FAM184A: variants seen among roughly 807,000 people sequenced by gnomAD.
FAM184A encodes the protein protein FAM184A.
A neutral mutation model predicts 143.8 loss-of-function variants in FAM184A; 99 were observed. The ratio of observed to expected loss-of-function variants is 0.69; its 90% confidence interval spans 0.58 to 0.81. The LOEUF is 0.81. FAM184A is among the 40% of genes least tolerant of loss of function. The pLI is 0.00. For missense variants in FAM184A, 1,217 were observed against 1,310.5 expected (o/e 0.93, Z 1.10); for synonymous variants, 427 against 446.4 (o/e 0.96, Z 0.55).
At chr6:119,035,170 A>T (rs9398499) in intron 1 of FAM184A, among the ~76,000 whole-genome samples, 71,623 of 152,026 alleles carry the variant, frequency 0.47, 18,242 homozygotes, top group East Asian at 0.74. Flanking sequence ...AAACCTTTTA[A>T]CCCACTGTAA....
At position 118,966,971 on chromosome 6, in the gene FAM184A, T is replaced by G. The variant is rs186683760; in HGVS notation, c.2916-19A>C. On this transcript the variant is annotated intron_variant, in intron 14 of 17. Transcript: ENST00000338891. ...TTCTAATCTGAAAACAAGAAAGACT[T>G]TAGCTCATTGATATCACTCAGATAC... 140 of 1,225,412 alleles carry G rather than the reference T, an allele frequency of 1.1e-4. 1 individual carries two copies. In the Admixed American group the frequency reaches 1.2e-3, roughly 11 times the overall value. 75.9% of individuals were successfully genotyped at this position (1,225,412 alleles called of 1,614,324 possible).
At chr6:119,069,467 C>A (rs1787600615) in intron 1 of FAM184A, among the ~76,000 whole-genome samples, 2 of 152,204 alleles carry the variant, frequency 1.3e-5, no homozygotes, top group Non-Finnish European at 2.9e-5. Context: ...CCTGTGAACA[C>A]ATAGACACAC....
At chr6:118,969,855 T>A (rs1488953526) in intron 14 of FAM184A, among the ~76,000 whole-genome samples, 1 of 143,364 alleles carries the variant, frequency 7.0e-6, no homozygotes, top group African/African-American at 2.6e-5. Context: ...GGCCCACATG[T>A]TCTCCTTGTT....
chr6:118,984,001 T>C (rs1380029521), intron 9 of FAM184A, among the ~76,000 whole-genome samples: 1 of 149,942 alleles, frequency 6.7e-6, no homozygotes, highest in Non-Finnish European at 1.5e-5. Context: ...ATACAAAAAA[T>C]TAGCCGGGAG....
At chr6:119,060,214 T>C (rs1278944323) in intron 1 of FAM184A, among the ~76,000 whole-genome samples, 1 of 152,234 alleles carries the variant, frequency 6.6e-6, no homozygotes, top group African/African-American at 2.4e-5. Flanking sequence ...CCTGTAATTC[T>C]TTCCCTCCTA....
intron 1 of FAM184A, among the ~76,000 whole-genome samples, chr6:119,048,903 G>T (rs188755971): frequency 3.9e-5 from 6 of 152,200 alleles, no homozygotes. Flanking sequence ...TGGATACAAA[G>T]AATCAATATC....
At chr6:119,082,349 AAC>A (rs1410027729), upstream of FAM184A, among the ~76,000 whole-genome samples, 1 of 152,166 alleles carries the variant, frequency 6.6e-6, no homozygotes, top group Non-Finnish European at 1.5e-5. Flanking sequence ...AACATTTCAA[AAC>A]ACAGTCATGC....
chr6:119,012,764 G>A (rs1476099506), intron 5 of FAM184A, among the ~76,000 whole-genome samples: 15 of 152,144 alleles, frequency 9.9e-5, no homozygotes, highest in African/African-American at 3.4e-4. Flanking sequence ...ATTAGGGAAT[G>A]GGGGGATCTC....
intron 1 of FAM184A, among the ~76,000 whole-genome samples, chr6:119,029,163 G>A (rs897853003): frequency 6.6e-6 from 1 of 152,158 alleles, no homozygotes; most frequent in Non-Finnish European, 1.5e-5. Context: ...CTAGCCACAA[G>A]GAAGGAAAAG....
chr6:119,057,288 A>C (rs983604746), intron 1 of FAM184A, among the ~76,000 whole-genome samples: 3 of 152,220 alleles, frequency 2.0e-5, no homozygotes, highest in Admixed American at 1.3e-4. Context: ...GACAATATCC[A>C]AAGTGCACAT....
In FAM184A at chr6:119,078,366, G is replaced by A. The variant is rs1006989277; in HGVS notation, c.-67C>T. On this transcript the variant is annotated 5_prime_UTR_variant, in exon 1 of 18. Transcript: ENST00000338891. This position sits in a 1 kb window ranked among gnomAD's most constrained non-coding sequence, Gnocchi z 5.5. Reference sequence around the variant, plus strand: ...GGAGGCAGGCCCGTGGAGCAACGACGCCCGGGAGGCAAGAGTCGCGGCGGC... The same window carrying A: ...GGAGGCAGGCCCGTGGAGCAACGACACCCGGGAGGCAAGAGTCGCGGCGGC... The A allele has an allele frequency of 4.5e-6, 6 of 1,346,746 alleles. No homozygotes were observed. Among genetic ancestry groups the A allele is most frequent in the Non-Finnish European group, 5.7e-6 (6 of 1,048,084 alleles). 83.4% of individuals were successfully genotyped at this position (1,346,746 alleles called of 1,614,324 possible).
intron 4 of FAM184A, among the ~76,000 whole-genome samples, chr6:119,019,660 A>G (rs914822330): frequency 9.9e-5 from 15 of 152,236 alleles, no homozygotes; most frequent in African/African-American, 3.6e-4. Flanking sequence ...AATATATTTC[A>G]TTAATAGAAA....
intron 1 of FAM184A, among the ~76,000 whole-genome samples, chr6:119,144,605 CTCTT>C (rs1447355349): frequency 1.3e-5 from 2 of 152,226 alleles, no homozygotes; most frequent in Non-Finnish European, 2.9e-5. Flanking sequence ...GGGGAACAAA[CTCTT>C]TCTTTGCTAG....
At chr6:119,100,984 A>G (rs1014319199) in intron 1 of FAM184A, among the ~76,000 whole-genome samples, 1 of 151,928 alleles carries the variant, frequency 6.6e-6, no homozygotes, top group South Asian at 2.1e-4. Context: ...CAAAACAAAA[A>G]AACTTCTCTA....
upstream of FAM184A, chr6:119,078,918 C>G (rs1251084127): frequency 2.0e-5 from 3 of 153,112 alleles, no homozygotes; most frequent in Non-Finnish European, 4.4e-5. The surrounding 1 kb of genome is among the most constrained non-coding windows in gnomAD (Gnocchi z 5.5). Flanking sequence ...ATCCAGCAGC[C>G]CAGCCCTGGC....
At chr6:118,989,801 CATTTATTTATTTATTTATTT>C (rs149164113) in intron 9 of FAM184A, among the ~76,000 whole-genome samples, 4 of 144,810 alleles carry the variant, frequency 2.8e-5, no homozygotes, top group South Asian at 2.2e-4. Flanking sequence ...AGTATTTTTA[CATTTATTTATTTATTTATTT>C]ATTTATTTAT....
chr6:119,092,669 G>C lies in FAM184A; in HGVS notation c.-202+56409C>G, dbSNP rs191009648. On this transcript the variant is annotated intron_variant, in intron 1 of 16. Transcript: ENST00000352896. ...TAAATAGCCATAGGTCTCTTTGGGG[G>C]AAGAATTGGAGAGTTAATATATATA... Among the ~76,000 whole-genome samples the C allele has an allele frequency of 2.1e-3, 318 of 151,516 alleles. 1 individual carries two copies. The highest frequency in any genetic ancestry group is 7.4e-3 in the African/African-American group (305 of 41,270).
intron 14 of FAM184A, among the ~76,000 whole-genome samples, chr6:118,971,564 A>C (rs188015156): frequency 2.8e-4 from 42 of 152,308 alleles, no homozygotes; most frequent in African/African-American, 9.9e-4. Flanking sequence ...AAAATCAAAC[A>C]GCCCATTTTC....
At chr6:119,077,127 CTT>C (rs1787901216) in intron 1 of FAM184A, among the ~76,000 whole-genome samples, 1 of 152,152 alleles carries the variant, frequency 6.6e-6, no homozygotes, top group Non-Finnish European at 1.5e-5. Flanking sequence ...CCTTTCCTCT[CTT>C]CCGAATCTCA....
Sources: allele counts gnomAD v4.1 joint callset (sites outside exome capture counted in the v4.1 genomes callset), GRCh38; gene constraint gnomAD v4.1.1; non-coding constraint Gnocchi (gnomAD v3.1); transcripts MANE v1.5; gene names NCBI Gene and HGNC (gene_info 2026-07-23, HGNC 2026-07-21).